The following PLCG2 variants were observed in gnomAD, a reference collection of about 807,000 sequenced individuals.
PLCG2 encodes the protein phospholipase C gamma 2, also known as 1-phosphatidylinositol 4,5-bisphosphate phosphodiesterase gamma-2.
Under a neutral mutation model 175.6 loss-of-function variants are expected in PLCG2, and 69 were observed. The ratio of observed to expected loss-of-function variants is 0.39; its 90% CI spans 0.32 to 0.48. PLCG2 has a LOEUF of 0.48. PLCG2 is among the 20% of genes least tolerant of loss of function. The pLI, the probability that PLCG2 is intolerant of heterozygous loss-of-function variation, is 0.91. For synonymous variants in PLCG2, 827 were observed against 624.0 expected (o/e 1.33, Z -4.85); for missense variants, 1,798 against 1,650.9 (o/e 1.09, Z -1.54).
At chr16:81,877,280 CT>C (rs1907841965) in intron 7 of PLCG2, among the ~76,000 whole-genome samples, 2 of 151,896 alleles carry the variant, frequency 1.3e-5, no homozygotes, top group East Asian at 1.9e-4. Flanking sequence ...CGGTGAAACC[CT>C]GTCTCTACTA....
upstream of PLCG2, among the ~76,000 whole-genome samples, chr16:81,778,043 C>CAAACAAACAAA (rs1910507100): frequency 3.3e-5 from 2 of 59,856 alleles, no homozygotes; most frequent in African/African-American, 1.4e-4. Flanking sequence ...AAAAAAAAAA[C>CAAACAAACAAA]AAAAAAAAAA....
chr16:81,896,212 G>C (rs967734160), intron 13 of PLCG2, among the ~76,000 whole-genome samples: 6 of 152,066 alleles, frequency 3.9e-5, no homozygotes, highest in African/African-American at 1.4e-4. Flanking sequence ...ATTCTGTCTG[G>C]CCCCCACTTT....
intron 2 of PLCG2, among the ~76,000 whole-genome samples, chr16:81,817,826 C>T (rs1567479651): frequency 2.0e-5 from 3 of 152,184 alleles, no homozygotes; most frequent in Non-Finnish European, 2.9e-5. Flanking sequence ...TAAGTTATTA[C>T]ATGTCAGGCC....
At chr16:81,840,907 G>C (rs1905789037) in intron 2 of PLCG2, among the ~76,000 whole-genome samples, 1 of 152,200 alleles carries the variant, frequency 6.6e-6, no homozygotes, top group African/African-American at 2.4e-5. Flanking sequence ...CCTTTTTCCA[G>C]GGAGTGGTCC....
intron 5 of PLCG2, among the ~76,000 whole-genome samples, chr16:81,862,659 C>T (rs149128232): frequency 5.3e-5 from 8 of 152,182 alleles, no homozygotes; most frequent in African/African-American, 1.4e-4. Context: ...CGCTTGAGCT[C>T]AGGAGTTGGA....
In PLCG2 at chr16:81,786,220, C is replaced by T. The variant is rs919214759; in HGVS notation, c.193+38C>T. 4 of 1,557,654 alleles carry T rather than the reference C, an allele frequency of 2.6e-6. No individual in the cohort carries two copies. In the African/African-American group the frequency reaches 4.1e-5, roughly 16 times the overall value. On this transcript the variant is annotated intron_variant, in intron 2 of 32. Transcript: ENST00000564138. ...TGGGTGGGGCAGTGTGGCCCGTCCT[C>T]TGGGGCCCTGGCCTGAGCACCTGTC...
chr16:81,793,347 C>T (rs1159656171), intron 2 of PLCG2, among the ~76,000 whole-genome samples: 1 of 152,162 alleles, frequency 6.6e-6, no homozygotes, highest in Non-Finnish European at 1.5e-5. Context: ...AAGGGGTCTG[C>T]TCTGGGGCCT....
intron 2 of PLCG2, among the ~76,000 whole-genome samples, chr16:81,802,107 T>C (rs1179112316): frequency 3.9e-4 from 26 of 65,938 alleles, no homozygotes; most frequent in Admixed American, 3.0e-3. Flanking sequence ...TTTTTTTTTT[T>C]TTTTTTTTTT....
chr16:81,749,946 TG>T (rs1909773905), intron 1 of PLCG2, among the ~76,000 whole-genome samples: 1 of 151,864 alleles, frequency 6.6e-6, no homozygotes, highest in African/African-American at 2.4e-5. Context: ...CAAGGTACCA[TG>T]GTTGAGAAAA....
chr16:81,748,589 C>T (rs1353354217), intron 1 of PLCG2, among the ~76,000 whole-genome samples: 2 of 151,960 alleles, frequency 1.3e-5, no homozygotes, highest in African/African-American at 2.4e-5. Context: ...CTTGCACTTA[C>T]CCCTTGAGAC....
intron 14 of PLCG2, among the ~76,000 whole-genome samples, chr16:81,905,041 C>A (rs1462511629): frequency 3.9e-5 from 6 of 152,198 alleles, no homozygotes; most frequent in Admixed American, 3.9e-4. Flanking sequence ...GCGCGTGCCA[C>A]CATGCCCGGC....
chr16:81,742,164 G>GA (rs919082961), intron 1 of PLCG2, among the ~76,000 whole-genome samples: 2 of 129,654 alleles, frequency 1.5e-5, no homozygotes, highest in Non-Finnish European at 3.3e-5. Context: ...CGGGGGGGGG[G>GA]GCGGTGTTGG....
chr16:81,740,842 G>C (rs944675180), intron 1 of PLCG2, among the ~76,000 whole-genome samples: 2 of 148,176 alleles, frequency 1.3e-5, no homozygotes, highest in African/African-American at 5.0e-5. Context: ...AGCATCCCTA[G>C]CACATGGGGC....
chr16:81,833,220 T>A (rs960018734), intron 2 of PLCG2, among the ~76,000 whole-genome samples: 5 of 152,188 alleles, frequency 3.3e-5, no homozygotes, highest in Admixed American at 6.5e-5. Flanking sequence ...AAAATCACCC[T>A]TTAAAGAAGG....
At chr16:81,807,172 C>G (rs1390056699) in intron 2 of PLCG2, among the ~76,000 whole-genome samples, 1 of 151,880 alleles carries the variant, frequency 6.6e-6, no homozygotes, top group Non-Finnish European at 1.5e-5. Context: ...CGTGGTGATT[C>G]ATGTGGTGAT....
intron 15 of PLCG2, among the ~76,000 whole-genome samples, chr16:81,907,036 CAAAAAAAA>C (rs56697259): frequency 4.1e-5 from 4 of 96,738 alleles, no homozygotes; most frequent in Non-Finnish European, 8.3e-5. Context: ...GACTCTGTCT[CAAAAAAAA>C]AAAAAAAAAA....
chr16:81,819,536 C>T (rs1904703089), intron 2 of PLCG2, among the ~76,000 whole-genome samples: 1 of 152,184 alleles, frequency 6.6e-6, no homozygotes. Flanking sequence ...TCTTCCCAGC[C>T]ACCTCTGGAA....
rs1234733197 is a variant in PLCG2 at position 81,786,018 on chromosome 16, T to C, written c.29T>C (p.Leu10Pro). 6.2e-7 allele frequency: 1 copy of C among 1,614,200 alleles called. No homozygotes were observed. ...TCCACCACGGTCAATGTAGATTCCC[T>C]TGCGGAATATGAGAAGAGCCAGATC... is the stretch of plus-strand genomic sequence containing the variant. The part of the protein sequence containing the change: MSTTVNVDS[L>P]AEYEKSQIKR... Residue 10 changes from leucine (L) to proline (P), a missense_variant, in exon 2 of 33, where the codon CTT becomes CCT. By Grantham distance (98) the Leu-to-Pro change is moderately conservative. Transcript: ENST00000564138.
chr16:81,781,326 C>T (rs763770358), intron 1 of PLCG2, among the ~76,000 whole-genome samples: 1 of 152,078 alleles, frequency 6.6e-6, no homozygotes, highest in African/African-American at 2.4e-5. Flanking sequence ...CATCCTCATT[C>T]TTTCTGATGG....
Sources: allele counts gnomAD v4.1 joint callset (sites outside exome capture counted in the v4.1 genomes callset), GRCh38; gene constraint gnomAD v4.1.1; transcripts MANE v1.5; gene names NCBI Gene and HGNC (gene_info 2026-07-23, HGNC 2026-07-21).